Variants in PDE10A observed in about 807,000 individuals in gnomAD.
PDE10A encodes the protein phosphodiesterase 10A.
In PDE10A, 39 loss-of-function variants were observed where a neutral mutation model predicts 97.7. The ratio of observed to expected loss-of-function variants is 0.40; its 90% confidence interval spans 0.31 to 0.52. The LOEUF (loss-of-function observed/expected upper bound fraction) is 0.52, where lower values mean the gene tolerates loss of function less well. Ranked by LOEUF, PDE10A falls within the 20% of genes least tolerant of loss-of-function variation. PDE10A has a pLI of 0.56. For synonymous variants in PDE10A, 371 were observed against 376.8 expected, an observed-to-expected ratio of 0.98 and a Z score of 0.18; for missense variants, 731 against 1,047.8, an observed-to-expected ratio of 0.70 and a Z score of 4.17.
chr6:165,496,035 G>A (rs1375195030), intron 2 of PDE10A, among the ~76,000 whole-genome samples: 1 of 151,844 alleles, frequency 6.6e-6, no homozygotes, highest in Non-Finnish European at 1.5e-5. Flanking sequence ...GAAGAGGATA[G>A]GGAGCAGGAC....
At chr6:165,946,032 T>C (rs1274732706) in intron 1 of PDE10A, among the ~76,000 whole-genome samples, 4 of 149,848 alleles carry the variant, frequency 2.7e-5, no homozygotes, top group African/African-American at 1.0e-4. Flanking sequence ...CATTTGTCTA[T>C]TTTTGCTTTT....
chr6:165,370,113 G>A (rs565872769), intron 18 of PDE10A, among the ~76,000 whole-genome samples: 34 of 152,012 alleles, frequency 2.2e-4, no homozygotes, highest in South Asian at 6.3e-4. Flanking sequence ...CGGTACAGCC[G>A]CTGCAAAATC....
intron 1 of PDE10A, among the ~76,000 whole-genome samples, chr6:165,956,661 T>C (rs1358591867): frequency 3.9e-5 from 6 of 152,228 alleles, no homozygotes; most frequent in Non-Finnish European, 8.8e-5. Flanking sequence ...ATCCTGCCTT[T>C]TCCTATGTTT....
chr6:165,366,112 A>G (rs1783754916), intron 18 of PDE10A, among the ~76,000 whole-genome samples: 1 of 152,184 alleles, frequency 6.6e-6, no homozygotes, highest in South Asian at 2.1e-4. Context: ...ACATGGATAC[A>G]GATAAACCTT....
chr6:165,737,976 A>T (rs1792620779), intron 1 of PDE10A, among the ~76,000 whole-genome samples: 2 of 151,512 alleles, frequency 1.3e-5, no homozygotes, highest in African/African-American at 2.4e-5. Context: ...AAAATCACCT[A>T]AAAAAGTCAG....
intron 1 of PDE10A, among the ~76,000 whole-genome samples, chr6:165,839,905 C>A (rs1225134775): frequency 1.7e-4 from 13 of 75,322 alleles, no homozygotes; most frequent in East Asian, 7.9e-4. Flanking sequence ...ATTCCCATCT[C>A]CAACTCCATC....
chr6:165,947,614 T>C (rs888258381), intron 1 of PDE10A, among the ~76,000 whole-genome samples: 20 of 152,208 alleles, frequency 1.3e-4, no homozygotes, highest in African/African-American at 4.8e-4. Flanking sequence ...AATGAGTTGG[T>C]TTAGTAGTCA....
At chr6:165,614,393 T>C (rs1465583837) in intron 1 of PDE10A, among the ~76,000 whole-genome samples, 1 of 152,024 alleles carries the variant, frequency 6.6e-6, no homozygotes, top group Admixed American at 6.5e-5. Flanking sequence ...CCACTCACCT[T>C]CCTAGGATAA....
At chr6:165,348,483 C>G (rs549069274) in intron 18 of PDE10A, among the ~76,000 whole-genome samples, 1 of 152,324 alleles carries the variant, frequency 6.6e-6, no homozygotes, top group African/African-American at 2.4e-5. Context: ...TTTGCCTACC[C>G]TTGGCTTGAG....
intron 1 of PDE10A, among the ~76,000 whole-genome samples, chr6:165,714,862 AC>A (rs1235691947): frequency 6.6e-6 from 1 of 152,162 alleles, no homozygotes; most frequent in Non-Finnish European, 1.5e-5. Flanking sequence ...AACCTGTTGA[AC>A]CTGGGGACAA....
intron 2 of PDE10A, among the ~76,000 whole-genome samples, chr6:165,486,644 C>T (rs917895722): frequency 1.3e-5 from 2 of 152,214 alleles, no homozygotes; most frequent in African/African-American, 4.8e-5. Flanking sequence ...ACATCTCATA[C>T]ACGGAAGTGA....
At chr6:165,668,018 A>C (rs571790126), upstream of PDE10A, among the ~76,000 whole-genome samples, 1 of 152,206 alleles carries the variant, frequency 6.6e-6, no homozygotes, top group Non-Finnish European at 1.5e-5. Context: ...GTTAGAACAC[A>C]ACAATGAGTT....
At chr6:165,446,587 C>T (rs1328986493) in intron 5 of PDE10A, among the ~76,000 whole-genome samples, 1 of 152,208 alleles carries the variant, frequency 6.6e-6, no homozygotes, top group Non-Finnish European at 1.5e-5. Flanking sequence ...ATAAAGCTGA[C>T]ATTCTAGCAA....
chr6:165,605,981 CAGGG>C (rs1366615385), intron 1 of PDE10A, among the ~76,000 whole-genome samples: 1 of 151,962 alleles, frequency 6.6e-6, no homozygotes, highest in East Asian at 1.9e-4. Flanking sequence ...TTCTCATGGA[CAGGG>C]ATTATTTCTG....
At chr6:165,510,669 T>C (rs1381875559) in intron 2 of PDE10A, among the ~76,000 whole-genome samples, 1 of 152,048 alleles carries the variant, frequency 6.6e-6, no homozygotes, top group Non-Finnish European at 1.5e-5. Context: ...CTTTTCTTTA[T>C]TGGGAGACAT....
At chr6:165,764,776 T>C (rs1777771072) in intron 1 of PDE10A, among the ~76,000 whole-genome samples, 1 of 152,164 alleles carries the variant, frequency 6.6e-6, no homozygotes, top group Admixed American at 6.5e-5. Flanking sequence ...GCAAGATTTA[T>C]TGCAAAGCGT....
At chr6:165,353,661 T>C (rs893985503) in intron 18 of PDE10A, among the ~76,000 whole-genome samples, 5 of 152,152 alleles carry the variant, frequency 3.3e-5, no homozygotes, top group African/African-American at 9.7e-5. Flanking sequence ...ATTCCAACTA[T>C]ATGACATTCT....
At chr6:165,668,063 A>C (rs944232665), upstream of PDE10A, among the ~76,000 whole-genome samples, 1 of 152,276 alleles carries the variant, frequency 6.6e-6, no homozygotes, top group African/African-American at 2.4e-5. Flanking sequence ...CCAAACTTTT[A>C]CAAGTCAAAT....
rs148751369 is a variant in PDE10A, at chr6:165,724,563, T to G, written c.-614-180995A>C. 5.0e-3 allele frequency among the ~76,000 whole-genome samples: 760 copies of G among 152,334 alleles called. 6 individuals carry two copies. The highest frequency in any genetic ancestry group is 0.017 in the African/African-American group (695 of 41,572). On this transcript the variant is annotated intron_variant, in intron 1 of 19. Transcript: ENST00000366882. Reference sequence around the variant, plus strand: ...ATCCTCGTGGGCTTCGTCCTGTCACTTAGACTTTGAATATGCCAAGTGTAA... The same window carrying G: ...ATCCTCGTGGGCTTCGTCCTGTCACGTAGACTTTGAATATGCCAAGTGTAA...
Sources: gnomAD v4.1 joint callset for allele counts (sites outside exome capture counted in the v4.1 genomes callset) on GRCh38, gnomAD v4.1.1 for gene constraint, MANE v1.5 for transcripts, NCBI Gene and HGNC (gene_info 2026-07-23, HGNC 2026-07-21) for gene names.